The following GOLGA4 variants were observed in gnomAD, a reference collection of about 807,000 sequenced individuals.
GOLGA4 encodes the protein golgin subfamily A member 4.
GOLGA4 carries 169 observed loss-of-function variants against 265.9 expected under a neutral mutation model. That is an observed-to-expected ratio of 0.64 (90% CI 0.56 to 0.72). GOLGA4 has a LOEUF of 0.72. GOLGA4 is among the 30% of genes least tolerant of loss of function. The pLI is 0.00. For synonymous variants in GOLGA4, 923 were observed against 855.8 expected, an observed-to-expected ratio of 1.08 and a Z score of -1.37; for missense variants, 2,482 against 2,483.4, an observed-to-expected ratio of 1.00 and a Z score of 0.01.
At chr3:37,304,323 A>G (rs1465965428) in intron 10 of GOLGA4, among the ~76,000 whole-genome samples, 1 of 152,236 alleles carries the variant, frequency 6.6e-6, no homozygotes, top group East Asian at 1.9e-4. Context: ...TTTCATAAGT[A>G]TCTCCCCATC....
At position 37,323,773 on chromosome 3, in the gene GOLGA4, A is replaced by G; in HGVS notation, c.1887A>G (p.Glu629=). 1 of 1,610,370 alleles carries G rather than the reference A, an allele frequency of 6.2e-7. No homozygotes were observed. Among genetic ancestry groups the G allele is most frequent in the Non-Finnish European group, 8.5e-7 (1 of 1,179,152 alleles). The change falls in exon 14 of 24, where the codon GAA becomes GAG. Residue 629 remains glutamate (E), a synonymous_variant. Transcript: ENST00000361924. ...LKHQQDALWT[E]KLQVLKQQYQ... is the part of the protein sequence containing the mutation. The stretch of plus-strand genomic sequence containing the variant: ...ATCAGCAGGATGCCCTTTGGACTGA[A>G]AAACTCCAAGTCTTAAAGCAACAAT...
At chr3:37,285,099 A>G (rs2096844863) in intron 3 of GOLGA4, among the ~76,000 whole-genome samples, 1 of 151,816 alleles carries the variant, frequency 6.6e-6, no homozygotes, top group Admixed American at 6.6e-5. Context: ...AGCACTTCCA[A>G]AGTAGGGTCC....
In GOLGA4 at chr3:37,361,242, G is replaced by A. The variant is rs747097833; in HGVS notation, c.6664-1G>A. The A allele has an allele frequency of 1.9e-6, 3 of 1,611,594 alleles. No individual in the cohort carries two copies. Among genetic ancestry groups the A allele is most frequent in the Non-Finnish European group, 2.5e-6 (3 of 1,177,932 alleles). ...AGCTTTTTTTCTTCCTGGCTTTGTA[G>A]TTTACTTCACCTCGCAGTGGTATCT... On this transcript the variant is annotated splice_acceptor_variant, in intron 22 of 23. Transcript: ENST00000361924. LOFTEE classifies it high-confidence loss of function.
At chr3:37,295,683 G>T (rs1478348579) in intron 6 of GOLGA4, among the ~76,000 whole-genome samples, 1 of 152,126 alleles carries the variant, frequency 6.6e-6, no homozygotes, top group South Asian at 2.1e-4. Flanking sequence ...TCCTCTCTCT[G>T]TTTTAAATAA....
intron 20 of GOLGA4, chr3:37,341,790 T>G (rs1438768126): frequency 6.6e-6 from 1 of 152,220 alleles, no homozygotes; most frequent in Non-Finnish European, 1.5e-5. Context: ...TCAATTCCTT[T>G]TGTTATTTTC....
intron 2 of GOLGA4, chr3:37,267,070 C>T: frequency 3.1e-6 from 1 of 318,600 alleles, no homozygotes; most frequent in South Asian, 2.6e-5. Flanking sequence ...TGTTGCTAAC[C>T]CTGCTCTAAA....
intron 20 of GOLGA4, among the ~76,000 whole-genome samples, chr3:37,345,460 G>A (rs2097053189): frequency 1.3e-5 from 2 of 152,282 alleles, no homozygotes; most frequent in African/African-American, 4.8e-5. Context: ...GATAAAGTGT[G>A]GGTTTTAAAA....
At chr3:37,329,823 G>C (rs2096984202) in intron 16 of GOLGA4, among the ~76,000 whole-genome samples, 1 of 152,106 alleles carries the variant, frequency 6.6e-6, no homozygotes, top group South Asian at 2.1e-4. Context: ...ATTGTTCTTG[G>C]TTGGGTTACA....
chr3:37,355,021 A>T, intron 21 of GOLGA4, 80 bp from the exon 22 acceptor site: 1 of 816,220 alleles, frequency 1.2e-6, no homozygotes, highest in Non-Finnish European at 2.1e-6. Flanking sequence ...AAAGAATCCC[A>T]CCAGCAGAAC....
chr3:37,254,963 C>A (rs1014736118), intron 2 of GOLGA4, among the ~76,000 whole-genome samples: 2 of 148,694 alleles, frequency 1.3e-5, no homozygotes, highest in Non-Finnish European at 3.0e-5. Context: ...TCTAGAAATC[C>A]CATTTCTAGA....
At chr3:37,253,006 T>C (rs936520644) in intron 2 of GOLGA4, among the ~76,000 whole-genome samples, 1 of 152,102 alleles carries the variant, frequency 6.6e-6, no homozygotes, top group Non-Finnish European at 1.5e-5. Flanking sequence ...CCCAGCGCTT[T>C]GGAAGGCCAA....
chr3:37,343,450 C>CCTGAACCG (rs1238614660), intron 20 of GOLGA4, among the ~76,000 whole-genome samples: 1 of 151,378 alleles, frequency 6.6e-6, no homozygotes, highest in South Asian at 2.1e-4. Context: ...CTCCTGAACT[C>CCTGAACCG]AGGTATCTGC....
chr3:37,327,611 A>G lies in GOLGA4; in HGVS notation c.5725A>G (p.Lys1909Glu), dbSNP rs757422067. The G allele has an allele frequency of 1.2e-6, 2 of 1,613,840 alleles. No individual in the cohort carries two copies. The highest frequency in any genetic ancestry group is 1.7e-6 in the Non-Finnish European group (2 of 1,179,804). The change falls in exon 14 of 24, where the codon AAA becomes GAA. Residue 1909 changes from lysine to glutamate, a missense_variant. By Grantham distance (56) the Lys-to-Glu change is moderately conservative. This residue lies in a region of GOLGA4 where 942 missense variants were observed against 983.1 expected (regional missense o/e 0.96). Transcript: ENST00000361924. The part of the protein sequence containing the change: ...LLEENTEEKS[K>E]SHLVQPKLLS... ...GGAAGAAAACACTGAAGAAAAGTCCAAATCACATTTGGTCCAACCCAAATT... is the reference window on the plus strand; with the variant it reads ...GGAAGAAAACACTGAAGAAAAGTCCGAATCACATTTGGTCCAACCCAAATT...
Position 37,315,465 on chromosome 3 carries a change from A to G in GOLGA4, c.1280A>G (p.Glu427Gly). 6.2e-7 allele frequency: 1 copy of G among 1,614,070 alleles called. No individual in the cohort carries two copies. The highest frequency in any genetic ancestry group is 8.5e-7 in the Non-Finnish European group (1 of 1,179,956). Residue 427 changes from glutamate to glycine, a missense_variant, in exon 11 of 24, where the codon GAG becomes GGG. By Grantham distance (98) the Glu-to-Gly change is moderately conservative (BLOSUM62 -2). This residue lies in a region of GOLGA4 where 1,536 missense variants were observed against 1,483.7 expected (regional missense o/e 1.04). Coordinates refer to ENST00000361924, the MANE Select transcript of GOLGA4 (RefSeq NM_002078.5). Reference protein sequence around the residue: ...EKALSTAQKTEEARRKLKAEM... With the variant: ...EKALSTAQKTGEARRKLKAEM... ...GCTTTGAGTACAGCCCAAAAAACAG[A>G]GGAAGCACGGAGAAAACTGAAGGCA...
At chr3:37,345,290 TA>T in intron 20 of GOLGA4, among the ~76,000 whole-genome samples, 1 of 152,250 alleles carries the variant, frequency 6.6e-6, no homozygotes, top group Non-Finnish European at 1.5e-5. Flanking sequence ...ATTGTAAATG[TA>T]ATATTTATTT....
Position 37,296,151 on chromosome 3 carries a change from C to G in GOLGA4, c.746C>G (p.Pro249Arg), listed in dbSNP as rs750066148. ...AATGTTGATGTACTGAAACCACTTC[C>G]TCAGCTGGAACCACAGGCTGAAGTC... ...PMNVDVLKPL[P>R]QLEPQAEVFT... The change falls in exon 7 of 24, where the codon CCT becomes CGT. Residue 249 changes from proline to arginine, a missense_variant. This residue lies in a region of GOLGA4 where 1,536 missense variants were observed against 1,483.7 expected (regional missense o/e 1.04). Transcript: ENST00000361924. The G allele has an allele frequency of 5.0e-6, 8 of 1,613,316 alleles. No individual in the cohort carries two copies. Among genetic ancestry groups the G allele is most frequent in the Non-Finnish European group, 6.8e-6 (8 of 1,179,224 alleles).
chr3:37,315,771 T>C (rs1361677695), intron 11 of GOLGA4, among the ~76,000 whole-genome samples, 173 bp downstream of exon 11: 1 of 152,228 alleles, frequency 6.6e-6, no homozygotes, highest in Non-Finnish European at 1.5e-5. Context: ...ACTTAGGTAA[T>C]TCTTTGGAAC....
At chr3:37,251,306 T>G in intron 1 of GOLGA4, 89 bp from the exon 2 acceptor site, 1 of 717,654 alleles carries the variant, frequency 1.4e-6, no homozygotes, top group Non-Finnish European at 2.4e-6. Flanking sequence ...ACTGAATTCT[T>G]TGGGCATGGA....
In GOLGA4 at chr3:37,325,338, C is replaced by T; in HGVS notation, c.3452C>T (p.Thr1151Ile). The change falls in exon 14 of 24, where the codon ACT (threonine) becomes ATT (isoleucine). Residue 1151 changes from threonine to isoleucine, a missense_variant. Physicochemically the swap from Thr to Ile is moderately conservative, Grantham distance 89. Coordinates refer to ENST00000361924, the MANE Select transcript of GOLGA4 (RefSeq NM_002078.5). ...TTGAATAAGTCTCTGAAGGAAAATA[C>T]TTTTCTTCAAGAGCAGCTAGTTGAA... ...VDLNKSLKEN[T>I]FLQEQLVELK... The T allele has an allele frequency of 6.2e-7, 1 of 1,612,746 alleles. No individual in the cohort carries two copies. Among genetic ancestry groups the T allele is most frequent in the Non-Finnish European group, 8.5e-7 (1 of 1,178,870 alleles).
Sources: allele counts gnomAD v4.1 joint callset (sites outside exome capture counted in the v4.1 genomes callset), GRCh38; gene constraint gnomAD v4.1.1; regional missense constraint gnomAD v4.1.1; transcripts MANE v1.5; gene names NCBI Gene and HGNC (gene_info 2026-07-23, HGNC 2026-07-21).